DTWD1: variants seen among roughly 807,000 people sequenced by gnomAD.
DTWD1 encodes the protein DTW motif tRNA-uridine aminocarboxypropyltransferase 1.
A neutral mutation model predicts 30.2 loss-of-function variants in DTWD1; 27 were observed. The ratio of observed to expected loss-of-function variants is 0.90; its 90% CI spans 0.66 to 1.23. The LOEUF (loss-of-function observed/expected upper bound fraction) is 1.23, where lower values mean the gene tolerates loss of function less well. Among genes scored for constraint, DTWD1 ranks in the 50% most tolerant of loss-of-function variants. The pLI, the probability that DTWD1 is intolerant of heterozygous loss-of-function variation, is 0.00. For synonymous variants in DTWD1, 99 were observed against 113.1 expected, an observed-to-expected ratio of 0.88 and a Z score of 0.79; for missense variants, 342 against 348.8, an observed-to-expected ratio of 0.98 and a Z score of 0.15.
intron 1 of DTWD1, among the ~76,000 whole-genome samples, chr15:49,622,606 A>T (rs890837355): frequency 6.6e-6 from 1 of 152,204 alleles, no homozygotes; most frequent in African/African-American, 2.4e-5. Flanking sequence ...CTCAAATTGT[A>T]CTTCCTTGCA....
At chr15:49,641,692 G>T (rs540768365) in intron 4 of DTWD1, among the ~76,000 whole-genome samples, 16 of 151,994 alleles carry the variant, frequency 1.1e-4, no homozygotes, top group African/African-American at 3.4e-4. Context: ...GTTCTGCTGG[G>T]TTCACAATTT....
In DTWD1 at chr15:49,646,682, G is replaced by C. The variant is rs1401073200; in HGVS notation, c.*3104G>C. On this transcript the variant is annotated 3_prime_UTR_variant, in exon 5 of 5. Transcript: ENST00000403028. ...AGAGACACTGTTTTTCATCTTGCCT[G>C]TCCAGAAGCGTACTCTGTGGCCAAG... The C allele has an allele frequency of 6.6e-6, 1 of 152,128 alleles. No homozygotes were observed. Among genetic ancestry groups the C allele is most frequent in the Non-Finnish European group, 1.5e-5 (1 of 68,020 alleles). The allele number at this position is 152,128 out of a possible 1,614,324, so 9.4% of individuals were successfully genotyped here.
intron 1 of DTWD1, among the ~76,000 whole-genome samples, chr15:49,622,732 T>C (rs963697784): frequency 6.6e-6 from 1 of 152,202 alleles, no homozygotes; most frequent in Non-Finnish European, 1.5e-5. Context: ...TTAGGACAGA[T>C]GCCCTGATCA....
At chr15:49,628,496 T>A (rs902057192) in intron 2 of DTWD1, among the ~76,000 whole-genome samples, 2 of 152,102 alleles carry the variant, frequency 1.3e-5, no homozygotes. Context: ...TACTGCACTG[T>A]GGTGCAATGT....
intron 4 of DTWD1, among the ~76,000 whole-genome samples, chr15:49,641,535 C>T (rs1242353396): frequency 6.6e-6 from 1 of 152,038 alleles, no homozygotes; most frequent in Admixed American, 6.6e-5. Context: ...CAACATTTAT[C>T]TGGATTTGCA....
chr15:49,643,669 A>G lies in DTWD1; in HGVS notation c.*91A>G, dbSNP rs2079093873. The G allele has an allele frequency of 7.2e-7, 1 of 1,381,912 alleles. No homozygotes were observed. The allele number at this position is 1,381,912 out of a possible 1,614,324, so 85.6% of individuals were successfully genotyped here. A position where few individuals can be genotyped will look rare whatever the true frequency, so the allele number is the denominator to read the frequency against. Reference sequence around the variant, plus strand: ...TTTTTCTTAAGAAATAATCATATATAATGCCTGTAAGACCATTTGAAAAAA... The same window carrying G: ...TTTTTCTTAAGAAATAATCATATATGATGCCTGTAAGACCATTTGAAAAAA... On this transcript the variant is annotated 3_prime_UTR_variant, in exon 5 of 5. Transcript: ENST00000403028.
In DTWD1 at chr15:49,632,223, A is replaced by T. The variant is rs972787087; in HGVS notation, c.329A>T (p.His110Leu). Residue 110 changes from histidine (H) to leucine (L), a missense_variant, in exon 3 of 5, where the codon CAT becomes CTT. By Grantham distance (99) the His-to-Leu change is moderately conservative (BLOSUM62 -3). Coordinates refer to ENST00000403028, the MANE Select transcript of DTWD1 (RefSeq NM_001144955.2). ...NETDGKSTAIHAKLLAPEFVN... is the reference protein window; with the variant it reads ...NETDGKSTAILAKLLAPEFVN... The stretch of plus-strand genomic sequence containing the variant: ...ACAGATGGCAAAAGTACTGCTATAC[A>T]TGCAAAACTCTTAGCACCTGAATTT... 3 of 1,601,278 alleles carry T rather than the reference A, an allele frequency of 1.9e-6. No individual in the cohort carries two copies. The highest frequency in any genetic ancestry group is 2.5e-6 in the Non-Finnish European group (3 of 1,176,882).
At position 49,653,096 on chromosome 15, in the gene DTWD1, G is replaced by T. The variant is rs1044888149; in HGVS notation, c.*9518G>T. 1 of 152,056 alleles carries T rather than the reference G, an allele frequency of 6.6e-6. No individual in the cohort carries two copies. The highest frequency in any genetic ancestry group is 1.5e-5 in the Non-Finnish European group (1 of 68,004). The allele number at this position is 152,056 out of a possible 1,614,324, so 9.4% of individuals were successfully genotyped here. A position where few individuals can be genotyped will look rare whatever the true frequency, so the allele number is the denominator to read the frequency against. On this transcript the variant is annotated 3_prime_UTR_variant, in exon 5 of 5. Coordinates refer to ENST00000403028, the MANE Select transcript of DTWD1 (RefSeq NM_001144955.2). ...TATTCAGCAATAGATAACAGAAATT[G>T]GTATCAGGAGTGGGGTGTTACCATA...
At chr15:49,639,002 T>C (rs951475736) in intron 4 of DTWD1, among the ~76,000 whole-genome samples, 6 of 152,058 alleles carry the variant, frequency 3.9e-5, no homozygotes, top group Non-Finnish European at 8.8e-5. Flanking sequence ...TAATTGGTTA[T>C]AAAAATTAGC....
chr15:49,621,751 C>T (rs1469115337), intron 1 of DTWD1, among the ~76,000 whole-genome samples: 1 of 152,146 alleles, frequency 6.6e-6, no homozygotes, highest in Non-Finnish European at 1.5e-5. Flanking sequence ...GAAGGCAAGA[C>T]AGTTTGTTAC....
At chr15:49,632,702 A>G (rs992846331) in intron 3 of DTWD1, among the ~76,000 whole-genome samples, 14 of 152,204 alleles carry the variant, frequency 9.2e-5, no homozygotes, top group Admixed American at 6.5e-4. Flanking sequence ...CTGAGTTAGG[A>G]TATTCAGGAA....
In DTWD1 at chr15:49,645,758, T is replaced by G. The variant is rs1036474135; in HGVS notation, c.*2180T>G. The G allele has an allele frequency of 2.0e-5, 3 of 152,160 alleles. No individual in the cohort carries two copies. The highest frequency in any genetic ancestry group is 4.4e-5 in the Non-Finnish European group (3 of 68,016). The allele number at this position is 152,160 out of a possible 1,614,324, so 9.4% of individuals were successfully genotyped here. ...GCATAAGAAAGATGACCCACGTACT[T>G]CATAAGAGCCTAATTTACAGCTAAG... On this transcript the variant is annotated 3_prime_UTR_variant, in exon 5 of 5. Coordinates refer to ENST00000403028, the MANE Select transcript of DTWD1 (RefSeq NM_001144955.2).
chr15:49,633,060 T>TATATATATATATAG (rs963346962), intron 3 of DTWD1, among the ~76,000 whole-genome samples: 1 of 146,238 alleles, frequency 6.8e-6, no homozygotes, highest in Non-Finnish European at 1.5e-5. Flanking sequence ...TATATATATA[T>TATATATATATATAG]ATATATATAT....
At chr15:49,638,484 C>T (rs2079028889) in intron 4 of DTWD1, among the ~76,000 whole-genome samples, 1 of 152,130 alleles carries the variant, frequency 6.6e-6, no homozygotes, top group African/African-American at 2.4e-5. Flanking sequence ...TTCATTGCAC[C>T]ACAGGAAACA....
rs191702822 is a variant in DTWD1, at chr15:49,649,765, T to G, written c.*6187T>G. 2 of 151,842 alleles carry G rather than the reference T, an allele frequency of 1.3e-5. No individual in the cohort carries two copies. Among genetic ancestry groups the G allele is most frequent in the East Asian group, 3.9e-4 (2 of 5,150 alleles). The allele number at this position is 151,842 out of a possible 1,614,324, so 9.4% of individuals were successfully genotyped here. On this transcript the variant is annotated 3_prime_UTR_variant, in exon 5 of 5. Coordinates refer to ENST00000403028, the MANE Select transcript of DTWD1 (RefSeq NM_001144955.2). ...AAAAAATAAATAAAAAAATAAAAAG[T>G]CAGCAAAGGGAAGTTTCAGGGTTTC...
At chr15:49,640,263 T>C (rs1012972703) in intron 4 of DTWD1, among the ~76,000 whole-genome samples, 1 of 152,166 alleles carries the variant, frequency 6.6e-6, no homozygotes, top group African/African-American at 2.4e-5. Context: ...CTAGGGTTTA[T>C]ATATATTGTC....
intron 2 of DTWD1, among the ~76,000 whole-genome samples, chr15:49,628,011 C>G (rs2078867447): frequency 1.3e-5 from 2 of 152,154 alleles, no homozygotes; most frequent in South Asian, 2.1e-4. Context: ...ACACATTGCA[C>G]AGCTGAACAA....
chr15:49,627,545 CAT>C (rs977919488), intron 2 of DTWD1, among the ~76,000 whole-genome samples: 3 of 152,130 alleles, frequency 2.0e-5, no homozygotes, highest in South Asian at 2.1e-4. Context: ...GTTGTGCAAA[CAT>C]AATAGAATGT....
chr15:49,630,876 C>T (rs1001421733), intron 2 of DTWD1: 3 of 246,194 alleles, frequency 1.2e-5, no homozygotes, highest in South Asian at 3.8e-5. Context: ...GTCAGATCAG[C>T]GGCAGCATTA....
Sources: allele counts gnomAD v4.1 joint callset (sites outside exome capture counted in the v4.1 genomes callset), GRCh38; gene constraint gnomAD v4.1.1; transcripts MANE v1.5; gene names NCBI Gene and HGNC (gene_info 2026-07-23, HGNC 2026-07-21).